Variants in PLEKHA7 observed in about 807,000 individuals in gnomAD.
PLEKHA7 encodes the protein pleckstrin homology domain containing A7.
Under a neutral mutation model 170.0 loss-of-function variants are expected in PLEKHA7, and 104 were observed. That is an observed-to-expected ratio of 0.61 (90% CI 0.52 to 0.72). The LOEUF is 0.72. Among genes scored for constraint, PLEKHA7 ranks in the 30% least tolerant of loss-of-function variants. PLEKHA7 has a pLI of 0.00. For missense variants in PLEKHA7, 1,615 were observed against 1,671.7 expected, an observed-to-expected ratio of 0.97 and a Z score of 0.59; for synonymous variants, 648 against 660.8, an observed-to-expected ratio of 0.98 and a Z score of 0.30.
chr11:16,907,492 C>T (rs1360033617), intron 3 of PLEKHA7, among the ~76,000 whole-genome samples: 2 of 116,218 alleles, frequency 1.7e-5, no homozygotes, highest in African/African-American at 3.1e-5. Context: ...CCCGGCCAGC[C>T]GCCCCGTCCG....
chr11:16,950,337 A>C (rs1861323814), intron 3 of PLEKHA7, among the ~76,000 whole-genome samples: 1 of 152,178 alleles, frequency 6.6e-6, no homozygotes, highest in Non-Finnish European at 1.5e-5. Flanking sequence ...AATGATGGAA[A>C]GAGATCCCAA....
chr11:16,786,661 G>C, intron 23 of PLEKHA7: 1 of 985,330 alleles, frequency 1.0e-6, no homozygotes, highest in Non-Finnish European at 1.2e-6. Flanking sequence ...TGGTCCCCAG[G>C]GAAATAGAAG....
intron 13 of PLEKHA7, chr11:16,812,556 A>G (rs1849446287): frequency 6.6e-6 from 1 of 152,268 alleles, no homozygotes; most frequent in South Asian, 2.1e-4. Flanking sequence ...TGCCTTCTCT[A>G]CAGGAGCTTT....
intron 9 of PLEKHA7, among the ~76,000 whole-genome samples, chr11:16,833,393 G>A (rs1023202585): frequency 3.3e-5 from 5 of 152,148 alleles, no homozygotes. Context: ...AGCTATTCCA[G>A]GCCTGCCAGC....
At chr11:16,989,793 C>T (rs1863927208) in intron 3 of PLEKHA7, among the ~76,000 whole-genome samples, 1 of 152,072 alleles carries the variant, frequency 6.6e-6, no homozygotes, top group South Asian at 2.1e-4. Context: ...CTCTTTTGGC[C>T]CCCCCGCCCC....
At chr11:16,856,828 C>A (rs1277767738) in intron 4 of PLEKHA7, among the ~76,000 whole-genome samples, 2 of 152,210 alleles carry the variant, frequency 1.3e-5, no homozygotes, top group East Asian at 3.9e-4. Flanking sequence ...ATCAGCAAGC[C>A]TTCCTCAAAG....
intron 4 of PLEKHA7, among the ~76,000 whole-genome samples, chr11:16,865,696 C>CAA (rs11443444): frequency 4.6e-5 from 7 of 150,982 alleles, no homozygotes; most frequent in Non-Finnish European, 8.9e-5. Flanking sequence ...GACACCATCT[C>CAA]AAAAAAAAGA....
chr11:16,810,066 G>C (rs1849259069), intron 13 of PLEKHA7, among the ~76,000 whole-genome samples: 1 of 152,234 alleles, frequency 6.6e-6, no homozygotes, highest in Non-Finnish European at 1.5e-5. Flanking sequence ...TTGTTCCACA[G>C]GAAAGAAGAA....
At chr11:16,924,705 C>T (rs909577964) in intron 3 of PLEKHA7, among the ~76,000 whole-genome samples, 1 of 152,162 alleles carries the variant, frequency 6.6e-6, no homozygotes, top group Non-Finnish European at 1.5e-5. Context: ...GGGAAATAGA[C>T]TGCAACACCT....
At chr11:16,807,750 T>C (rs1849090297) in intron 13 of PLEKHA7, among the ~76,000 whole-genome samples, 1 of 152,204 alleles carries the variant, frequency 6.6e-6, no homozygotes, top group Admixed American at 6.5e-5. Flanking sequence ...TTTGGCAACA[T>C]TGTCCTCATT....
At chr11:16,821,164 T>C (rs1176855629) in intron 10 of PLEKHA7, among the ~76,000 whole-genome samples, 1 of 152,198 alleles carries the variant, frequency 6.6e-6, no homozygotes, top group East Asian at 1.9e-4. Flanking sequence ...GGAGATGCAA[T>C]ATCATTTTTT....
intron 3 of PLEKHA7, among the ~76,000 whole-genome samples, chr11:16,884,358 C>G (rs1279318441): frequency 6.6e-6 from 1 of 152,248 alleles, no homozygotes; most frequent in Non-Finnish European, 1.5e-5. Context: ...TTAGGCTGGG[C>G]ACAGTGGCTC....
chr11:16,971,142 A>G (rs1371993409), intron 3 of PLEKHA7, among the ~76,000 whole-genome samples: 1 of 152,234 alleles, frequency 6.6e-6, no homozygotes, highest in Non-Finnish European at 1.5e-5. Flanking sequence ...AAAGCACTTC[A>G]GTCTTAATTC....
Position 16,791,081 on chromosome 11 carries a change from C to A in PLEKHA7, c.2864G>T (p.Gly955Val). 1 of 1,614,156 alleles carries A rather than the reference C, an allele frequency of 6.2e-7. No individual in the cohort carries two copies. The highest frequency in any genetic ancestry group is 1.1e-5 in the South Asian group (1 of 91,082). Residue 955 changes from glycine (G) to valine (V), a missense_variant, in exon 20 of 27, where the codon GGC becomes GTC. Physicochemically the swap from Gly to Val is moderately radical, Grantham distance 109. Coordinates refer to ENST00000531066, the MANE Select transcript of PLEKHA7 (RefSeq NM_001329630.2). This position sits in a 1 kb window ranked among gnomAD's most constrained non-coding sequence, Gnocchi z 4.5. ...ATIIRHTSVR[G>V]LKRQSDERKR... Reference sequence around the variant, plus strand: ...CCTCTCGTCTGACTGCCGCTTGAGGCCCCGCACAGATGTGTGCCGGATGAT... The same window carrying A: ...CCTCTCGTCTGACTGCCGCTTGAGGACCCGCACAGATGTGTGCCGGATGAT...
chr11:16,889,413 AAAAAAAAAT>A (rs1472411205), intron 3 of PLEKHA7, among the ~76,000 whole-genome samples: 56 of 116,418 alleles, frequency 4.8e-4, no homozygotes, highest in African/African-American at 1.9e-3. Flanking sequence ...AAAAAAAAAA[AAAAAAAAAT>A]ATATATATAT....
Position 16,923,738 on chromosome 11 carries a change from T to G in PLEKHA7, c.222-52556A>C, listed in dbSNP as rs116010075. ...CCTTGCCTGCAGTAAGCCCACCCTA[T>G]TCCCCACACTTCTTGCCTTTGCCCC... On this transcript the variant is annotated intron_variant, in intron 3 of 26. Coordinates refer to ENST00000531066, the MANE Select transcript of PLEKHA7 (RefSeq NM_001329630.2). Among the ~76,000 whole-genome samples, 1,429 of 152,142 alleles carry G rather than the reference T, an allele frequency of 9.4e-3. 23 individuals are homozygous for G. Among genetic ancestry groups the G allele is most frequent in the African/African-American group, 0.033 (1,367 of 41,502 alleles).
chr11:16,782,940 G>A, intron 25 of PLEKHA7, 44 bp from the exon 26 acceptor site: 2 of 1,525,864 alleles, frequency 1.3e-6, no homozygotes, highest in East Asian at 2.5e-5. Context: ...CCTGCCCTGG[G>A]TAGCAGCCTC....
chr11:16,936,115 G>A (rs1285583003), intron 3 of PLEKHA7, among the ~76,000 whole-genome samples: 1 of 151,970 alleles, frequency 6.6e-6, no homozygotes, highest in Admixed American at 6.6e-5. Flanking sequence ...GAAAAATCAG[G>A]TCTCTGCAGG....
At chr11:16,849,836 A>G (rs1333258122) in intron 8 of PLEKHA7, among the ~76,000 whole-genome samples, 2 of 152,196 alleles carry the variant, frequency 1.3e-5, no homozygotes, top group African/African-American at 4.8e-5. Flanking sequence ...GCACTATCCC[A>G]GTATCACCAA....
Sources: gnomAD v4.1 joint callset for allele counts (sites outside exome capture counted in the v4.1 genomes callset) on GRCh38, gnomAD v4.1.1 for gene constraint, Gnocchi (gnomAD v3.1) non-coding constraint, MANE v1.5 for transcripts, NCBI Gene and HGNC (gene_info 2026-07-23, HGNC 2026-07-21) for gene names.